CRB1: variants seen among roughly 807,000 people sequenced by gnomAD.
CRB1 encodes crumbs cell polarity complex component 1, also known as protein crumbs homolog 1.
In CRB1, 83 loss-of-function variants were observed where a neutral mutation model predicts 120.0. That is an observed-to-expected ratio of 0.69 (90% CI 0.58 to 0.83). The LOEUF is 0.83. Ranked by LOEUF, CRB1 falls within the 40% of genes least tolerant of loss-of-function variation. The pLI is 0.00. For missense variants in CRB1, 1,699 were observed against 1,687.6 expected, an observed-to-expected ratio of 1.01 and a Z score of -0.12; for synonymous variants, 625 against 612.5, an observed-to-expected ratio of 1.02 and a Z score of -0.30.
chr1:197,205,931 C>T, the CRB1 span, among the ~76,000 whole-genome samples: 1 of 149,876 alleles, frequency 6.7e-6, no homozygotes, highest in South Asian at 2.1e-4. Context: ...TTCAATTTCA[C>T]TACTTGTTAT....
chr1:197,228,328 C>G, the CRB1 span, among the ~76,000 whole-genome samples: 3 of 152,294 alleles, frequency 2.0e-5, no homozygotes, highest in East Asian at 5.8e-4. Context: ...AAAGCTTTAA[C>G]AGCACCCAAG....
At chr1:197,407,727 G>A (rs1663488336) in intron 5 of CRB1, among the ~76,000 whole-genome samples, 2 of 151,764 alleles carry the variant, frequency 1.3e-5, no homozygotes, top group South Asian at 4.2e-4. Context: ...TCCCACTAAG[G>A]GACTCTTATG....
At chr1:197,374,618 A>G (rs1286970702) in intron 5 of CRB1, among the ~76,000 whole-genome samples, 2 of 152,146 alleles carry the variant, frequency 1.3e-5, no homozygotes, top group Admixed American at 6.6e-5. Context: ...ATAGAGGGAG[A>G]GAGCAGCTCG....
At chr1:197,458,525 C>T (rs980486484) in intron 11 of CRB1, among the ~76,000 whole-genome samples, 1 of 152,158 alleles carries the variant, frequency 6.6e-6, no homozygotes, top group South Asian at 2.1e-4. Flanking sequence ...ATAACTGCTC[C>T]CCACAGGATA....
the CRB1 span, among the ~76,000 whole-genome samples, chr1:197,243,404 C>G: frequency 6.6e-6 from 1 of 152,116 alleles, no homozygotes; most frequent in Non-Finnish European, 1.5e-5. Flanking sequence ...TTTCCAAGAA[C>G]TTATTTATTT....
At chr1:197,411,702 T>C (rs1571500585) in intron 5 of CRB1, among the ~76,000 whole-genome samples, 2 of 152,232 alleles carry the variant, frequency 1.3e-5, no homozygotes, top group Admixed American at 6.5e-5. Context: ...TTTACATGTA[T>C]TCATGTAAAT....
Position 197,434,940 on chromosome 1 carries a change from T to C in CRB1, c.3077T>C (p.Leu1026Ser). The part of the protein sequence containing the change: ...NSFYMLSLTS[L>S]QSVNDGTWHE... The stretch of plus-strand genomic sequence containing the variant: ...TTTTATATGCTAAGTCTGACAAGTT[T>C]GCAGTCAGTGAATGATGGCACATGG... The change falls in exon 9 of 12, where the codon TTG (leucine) becomes TCG (serine). Residue 1026 changes from leucine to serine, a missense_variant. Transcript: ENST00000367400. 1.2e-6 allele frequency: 2 copies of C among 1,613,946 alleles called. No individual in the cohort carries two copies. The highest frequency in any genetic ancestry group is 1.7e-6 in the Non-Finnish European group (2 of 1,179,884).
chr1:197,426,097 T>C (rs1664567784), intron 6 of CRB1, among the ~76,000 whole-genome samples: 1 of 151,922 alleles, frequency 6.6e-6, no homozygotes, highest in Admixed American at 6.6e-5. Context: ...TCCTCCAGTT[T>C]TCTTCCGTAT....
At chr1:197,434,567 C>A (rs1665029634) in intron 8 of CRB1, 139 bp from the exon 9 acceptor site, 1 of 732,058 alleles carries the variant, frequency 1.4e-6, no homozygotes, top group South Asian at 1.9e-5. Flanking sequence ...AATATAAAAG[C>A]AACTAGCACA....
intron 6 of CRB1, among the ~76,000 whole-genome samples, chr1:197,425,623 A>G (rs1664542407): frequency 6.6e-6 from 1 of 152,114 alleles, no homozygotes. Flanking sequence ...TCCCCATCTT[A>G]CTTGATTTCT....
In CRB1 at chr1:197,340,378, G is replaced by A. The variant is rs376391413; in HGVS notation, c.653-3903G>A. ...CCAGTAGAATCTACATCTTTTAGAA[G>A]CTTCTACTGCATTACAAGGCAATTA... On this transcript the variant is annotated intron_variant, in intron 2 of 11. Transcript: ENST00000367400. 2.0e-5 allele frequency among the ~76,000 whole-genome samples: 3 copies of A among 152,302 alleles called. No individual in the cohort carries two copies. In the East Asian group the frequency reaches 5.8e-4, roughly 29 times the overall value.
At chr1:197,413,983 T>TGTGA in intron 5 of CRB1, 1 of 456,802 alleles carries the variant, frequency 2.2e-6, no homozygotes, top group Admixed American at 2.3e-5. Flanking sequence ...TTTCACATTT[T>TGTGA]AATGGCAATG....
chr1:197,370,490 C>A (rs957099612), intron 5 of CRB1, among the ~76,000 whole-genome samples: 1 of 152,038 alleles, frequency 6.6e-6, no homozygotes, highest in Non-Finnish European at 1.5e-5. Flanking sequence ...TCTCAGACCA[C>A]AGTGGAATAA....
chr1:197,414,138 G>GGATA (rs1468808257), intron 5 of CRB1: 1 of 256,348 alleles, frequency 3.9e-6, no homozygotes, highest in African/African-American at 2.3e-5. Flanking sequence ...AAGGAAAAGT[G>GGATA]GATATATTTA....
At chr1:197,454,322 A>C (rs1278973638) in intron 11 of CRB1, among the ~76,000 whole-genome samples, 1 of 152,170 alleles carries the variant, frequency 6.6e-6, no homozygotes, top group Non-Finnish European at 1.5e-5. Context: ...AGGAAAAATA[A>C]ATAAAATAAG....
chr1:197,379,480 T>G (rs1002615194), intron 5 of CRB1, among the ~76,000 whole-genome samples: 69 of 151,974 alleles, frequency 4.5e-4, no homozygotes, highest in African/African-American at 1.4e-3. Context: ...TTTTGTATTT[T>G]TAGTGGAGAC....
Position 197,328,741 on chromosome 1 carries a change from T to C in CRB1, c.390T>C (p.Ile130=). The change falls in exon 2 of 12, where the codon ATT becomes ATC. Residue 130 remains isoleucine, a synonymous_variant. Transcript: ENST00000367400. ...QHGGICHQDP[I]YPVCICPAGY... ...GAGGTATTTGCCATCAGGACCCTAT[T>C]TATCCTGTCTGCATCTGCCCTGCTG... is the stretch of plus-strand genomic sequence containing the variant. 6.2e-7 allele frequency: 1 copy of C among 1,611,854 alleles called. No individual in the cohort carries two copies. Among genetic ancestry groups the C allele is most frequent in the Non-Finnish European group, 8.5e-7 (1 of 1,178,358 alleles).
chr1:197,233,893 A>T, the CRB1 span, among the ~76,000 whole-genome samples: 1 of 152,146 alleles, frequency 6.6e-6, no homozygotes, highest in African/African-American at 2.4e-5. Context: ...GAATTCCCCC[A>T]GTTGAGCTGG....
In CRB1 at chr1:197,269,979, T is replaced by C. The variant is rs1654820791; in HGVS notation, c.70+1497T>C. On this transcript the variant is annotated intron_variant, in intron 1 of 11. Coordinates refer to ENST00000367400, the MANE Select transcript of CRB1 (RefSeq NM_201253.3). ...ATTTGAAGTCTCATTTTCTTCGATT[T>C]TTAAGCAGGTAGACTTTTGTCTGTG... Among the ~76,000 whole-genome samples, 3 of 152,208 alleles carry C rather than the reference T, an allele frequency of 2.0e-5. No individual in the cohort carries two copies. In the South Asian group the frequency reaches 6.2e-4, roughly 31 times the overall value.
Sources: allele counts gnomAD v4.1 joint callset (sites outside exome capture counted in the v4.1 genomes callset), GRCh38; gene constraint gnomAD v4.1.1; transcripts MANE v1.5; gene names NCBI Gene and HGNC (gene_info 2026-07-23, HGNC 2026-07-21).